SLC67A1: variants seen among roughly 807,000 people sequenced by gnomAD.
SLC67A1 encodes solute carrier family 67 member 1, also known as solute carrier family 67 member A1.
chr11:2,908,462 C>G, the SLC67A1 span: 8 of 641,402 alleles, frequency 1.2e-5, no homozygotes, highest in Non-Finnish European at 2.1e-5. Context: ...TCCTGTGTCA[C>G]AGGCCGATGG....
the SLC67A1 span, among the ~76,000 whole-genome samples, chr11:2,905,898 T>C: frequency 6.6e-6 from 1 of 152,102 alleles, no homozygotes; most frequent in African/African-American, 2.4e-5. Context: ...CTTGGTCCAG[T>C]GGGTGCCCCC....
chr11:2,911,059 G>A, the SLC67A1 span, among the ~76,000 whole-genome samples: 2 of 152,158 alleles, frequency 1.3e-5, no homozygotes, highest in Non-Finnish European at 1.5e-5. Flanking sequence ...TCAGGGACCC[G>A]TGCCTCTACC....
chr11:2,914,988 G>A, the SLC67A1 span: 38 of 985,432 alleles, frequency 3.9e-5, no homozygotes, highest in Admixed American at 6.1e-4. Flanking sequence ...CCATTCGTGC[G>A]GAACCCCAGC....
chr11:2,922,375 C>T, the SLC67A1 span: 1 of 1,587,242 alleles, frequency 6.3e-7, no homozygotes, highest in Non-Finnish European at 8.6e-7. Flanking sequence ...AGGTAAGACC[C>T]CAGAGAGGAG....
chr11:2,908,085 C>T, the SLC67A1 span: 61 of 606,582 alleles, frequency 1.0e-4, no homozygotes, highest in Non-Finnish European at 1.6e-4. Context: ...CAGGGTCCCC[C>T]TGGGAAGGGC....
At chr11:2,903,458 C>G in the SLC67A1 span, 1 of 1,613,316 alleles carries the variant, frequency 6.2e-7, no homozygotes, top group Non-Finnish European at 8.5e-7. Flanking sequence ...ACAGAACTTA[C>G]CTGCCTCTTC....
chr11:2,921,950 G>A, the SLC67A1 span: 13 of 682,064 alleles, frequency 1.9e-5, no homozygotes, highest in East Asian at 2.5e-4. Context: ...AGAGACCCCG[G>A]GGCTTGCAGA....
the SLC67A1 span, among the ~76,000 whole-genome samples, chr11:2,917,681 C>T: frequency 6.6e-6 from 1 of 152,232 alleles, no homozygotes; most frequent in African/African-American, 2.4e-5. Context: ...CTGCCGCAGG[C>T]CTCCGCCACT....
the SLC67A1 span, chr11:2,899,693 T>A: frequency 2.0e-6 from 3 of 1,512,918 alleles, no homozygotes; most frequent in Non-Finnish European, 2.7e-6. Flanking sequence ...AACCAGGAAG[T>A]TCCCCCATTC....
At chr11:2,909,883 C>T in the SLC67A1 span, 5 of 682,858 alleles carry the variant, frequency 7.3e-6, no homozygotes, top group East Asian at 3.4e-5. Flanking sequence ...CCTGACCTCC[C>T]GGGCTGGCTG....
chr11:2,910,138 C>T, the SLC67A1 span, among the ~76,000 whole-genome samples: 24 of 152,250 alleles, frequency 1.6e-4, no homozygotes, highest in African/African-American at 4.6e-4. Context: ...GCTGTGCTGC[C>T]GGCCTTGTTT....
chr11:2,920,297 C>T, the SLC67A1 span: 1 of 152,388 alleles, frequency 6.6e-6, no homozygotes, highest in Non-Finnish European at 1.5e-5. Context: ...AGGGGCCACC[C>T]TGGCAGGGTA....
the SLC67A1 span, chr11:2,903,407 G>T: frequency 1.2e-6 from 2 of 1,613,126 alleles, no homozygotes; most frequent in East Asian, 4.5e-5. Context: ...AGCGCTCTAG[G>T]CCGGTCCTCG....
At chr11:2,915,869 G>A in the SLC67A1 span, among the ~76,000 whole-genome samples, 7 of 152,350 alleles carry the variant, frequency 4.6e-5, no homozygotes, top group East Asian at 1.9e-4. Flanking sequence ...AGGTGCCTCC[G>A]TCCCCAGGAG....
the SLC67A1 span, chr11:2,917,891 C>T: frequency 6.3e-5 from 55 of 874,440 alleles, no homozygotes; most frequent in East Asian, 2.4e-4. Flanking sequence ...CCCTGGCGGG[C>T]GCAACAGGGC....
At chr11:2,911,698 G>A in the SLC67A1 span, among the ~76,000 whole-genome samples, 35 of 152,098 alleles carry the variant, frequency 2.3e-4, no homozygotes, top group Non-Finnish European at 4.4e-4. Flanking sequence ...CACCCACAAC[G>A]ATGCTGGGAG....
chr11:2,917,837 A>G, the SLC67A1 span: 2 of 610,410 alleles, frequency 3.3e-6, no homozygotes, highest in East Asian at 2.9e-5. Flanking sequence ...ACCAGCTCCC[A>G]TTCCCACAAG....
chr11:2,911,298 G>A, the SLC67A1 span, among the ~76,000 whole-genome samples: 3 of 152,258 alleles, frequency 2.0e-5, no homozygotes, highest in East Asian at 1.9e-4. Context: ...ATGGGGAGGC[G>A]CCCCAGGGAG....
the SLC67A1 span, among the ~76,000 whole-genome samples, chr11:2,900,617 C>T: frequency 6.9e-5 from 10 of 143,980 alleles, no homozygotes; most frequent in East Asian, 6.4e-4. Flanking sequence ...GGCGTGAACC[C>T]GGGAGGCGGA....
Sources: gnomAD v4.1 joint callset for allele counts (sites outside exome capture counted in the v4.1 genomes callset) on GRCh38, gnomAD v4.1.1 for gene constraint, MANE v1.5 for transcripts, NCBI Gene and HGNC (gene_info 2026-07-23, HGNC 2026-07-21) for gene names.